The following GPR158 variants were observed in gnomAD, a reference collection of about 807,000 sequenced individuals.
The protein encoded by GPR158 is G protein-coupled receptor 158, also known as metabotropic glycine receptor.
GPR158 carries 30 observed loss-of-function variants against 78.2 expected under a neutral mutation model. The observed-to-expected ratio is 0.38, with a 90% CI of 0.29 to 0.52. The LOEUF (loss-of-function observed/expected upper bound fraction) is 0.52. Among genes scored for constraint, GPR158 ranks in the 20% least tolerant of loss-of-function variants. The pLI is 0.83. For missense variants in GPR158, 1,463 were observed against 1,523.5 expected (o/e 0.96, Z 0.66); for synonymous variants, 581 against 591.1 (o/e 0.98, Z 0.25).
chr10:25,520,417 G>A (rs1428780162), intron 5 of GPR158, among the ~76,000 whole-genome samples: 1 of 150,036 alleles, frequency 6.7e-6, no homozygotes, highest in Non-Finnish European at 1.5e-5. Context: ...TTGCTGGTGA[G>A]GAACTGCGTT....
chr10:25,581,249 T>G (rs1297786145), intron 7 of GPR158, among the ~76,000 whole-genome samples: 2 of 151,838 alleles, frequency 1.3e-5, no homozygotes, highest in Non-Finnish European at 3.0e-5. Context: ...AACATTATTT[T>G]TATGAGAGAC....
chr10:25,449,991 A>G (rs780493757), intron 4 of GPR158, among the ~76,000 whole-genome samples: 10 of 123,792 alleles, frequency 8.1e-5, no homozygotes, highest in Non-Finnish European at 1.2e-4. Flanking sequence ...ACAAAATTTA[A>G]TAAAAATGAT....
chr10:25,424,517 G>A (rs1006851038), intron 4 of GPR158, among the ~76,000 whole-genome samples: 1 of 151,190 alleles, frequency 6.6e-6, no homozygotes, highest in African/African-American at 2.4e-5. Flanking sequence ...ATGGTTTTAG[G>A]TCTAACATTT....
intron 3 of GPR158, among the ~76,000 whole-genome samples, chr10:25,400,213 A>T (rs528743239): frequency 2.6e-5 from 4 of 152,166 alleles, no homozygotes; most frequent in Non-Finnish European, 5.9e-5. Context: ...TTAGTTGCCT[A>T]ATAGGGAGAA....
At chr10:25,502,764 A>G (rs1835958543) in intron 5 of GPR158, among the ~76,000 whole-genome samples, 1 of 152,294 alleles carries the variant, frequency 6.6e-6, no homozygotes, top group South Asian at 2.1e-4. Flanking sequence ...TCTTCCCTGC[A>G]TGTGTACCTT....
At chr10:25,366,394 T>C (rs1338664747) in intron 2 of GPR158, among the ~76,000 whole-genome samples, 1 of 151,610 alleles carries the variant, frequency 6.6e-6, no homozygotes, top group East Asian at 1.9e-4. Flanking sequence ...AGTTTGAGTT[T>C]TGTCCATTTT....
chr10:25,233,581 T>C (rs1463649298), intron 2 of GPR158, among the ~76,000 whole-genome samples: 1 of 152,260 alleles, frequency 6.6e-6, no homozygotes, highest in Non-Finnish European at 1.5e-5. Flanking sequence ...GCTATGCTTT[T>C]ATGCTTGTCT....
chr10:25,437,720 C>G (rs990953612), intron 4 of GPR158, among the ~76,000 whole-genome samples: 3 of 152,110 alleles, frequency 2.0e-5, no homozygotes, highest in Non-Finnish European at 4.4e-5. Flanking sequence ...GCAGTGTCTT[C>G]TCAGAGGTAC....
At chr10:25,439,182 A>G (rs1412430495) in intron 4 of GPR158, among the ~76,000 whole-genome samples, 1 of 152,170 alleles carries the variant, frequency 6.6e-6, no homozygotes, top group African/African-American at 2.4e-5. Flanking sequence ...GATTTAATAG[A>G]CTCACAGTTC....
chr10:25,368,666 G>A (rs1050994211), intron 2 of GPR158, among the ~76,000 whole-genome samples: 1 of 151,784 alleles, frequency 6.6e-6, no homozygotes, highest in Admixed American at 6.6e-5. Context: ...ATTGTGGAAA[G>A]CAGTGTGGTG....
Position 25,598,872 on chromosome 10 carries a change from GGAAGATGA to G in GPR158, c.3251_3258del (p.Asp1084AlafsTer46). ...GGGAGAGCCAAGGCCAGTCCATTTT[GGAAGATGA>G]GAAGCTTTTGATTTCCAAGACTCCA... On this transcript the variant is annotated frameshift_variant, in exon 11 of 11. Transcript: ENST00000376351. LOFTEE classifies it low-confidence loss of function (END_TRUNC). 1 of 1,614,074 alleles carries G rather than the reference GGAAGATGA, an allele frequency of 6.2e-7. No individual in the cohort carries two copies.
At chr10:25,497,121 G>A (rs1270192542) in intron 5 of GPR158, among the ~76,000 whole-genome samples, 1 of 152,202 alleles carries the variant, frequency 6.6e-6, no homozygotes, top group African/African-American at 2.4e-5. Context: ...AACTGAGTGA[G>A]AAAGCCAGAA....
chr10:25,324,831 C>CT (rs34746907), intron 2 of GPR158, among the ~76,000 whole-genome samples: 46,377 of 125,256 alleles, frequency 0.37, 8,956 homozygotes, highest in African/African-American at 0.4. Flanking sequence ...TTTTTTCTTT[C>CT]TTTTTTTTTT....
At chr10:25,258,776 G>T (rs559871311) in intron 2 of GPR158, among the ~76,000 whole-genome samples, 5 of 152,028 alleles carry the variant, frequency 3.3e-5, no homozygotes, top group Non-Finnish European at 5.9e-5. Flanking sequence ...GGCACCAACC[G>T]CCTGTACAGT....
chr10:25,420,332 T>TG (rs1303818081), intron 4 of GPR158, among the ~76,000 whole-genome samples: 5 of 152,014 alleles, frequency 3.3e-5, no homozygotes, highest in South Asian at 2.1e-4. Context: ...AAACATTTTT[T>TG]TGTAGAGATG....
intron 4 of GPR158, among the ~76,000 whole-genome samples, chr10:25,430,618 A>C (rs1444091750): frequency 1.3e-5 from 2 of 151,138 alleles, no homozygotes; most frequent in Admixed American, 6.6e-5. Flanking sequence ...ACTATACTAC[A>C]AGGCTACAGT....
intron 5 of GPR158, among the ~76,000 whole-genome samples, chr10:25,477,218 G>A (rs1268109192): frequency 2.0e-5 from 3 of 152,100 alleles, no homozygotes; most frequent in Admixed American, 2.0e-4. Flanking sequence ...ACAGCTTAAA[G>A]GAAGGGATAT....
intron 2 of GPR158, among the ~76,000 whole-genome samples, chr10:25,321,150 A>T (rs78934298): frequency 0.024 from 3,622 of 152,328 alleles, 150 homozygotes; most frequent in African/African-American, 0.082. Flanking sequence ...AAGTCATAAC[A>T]GACAATCTCT....
At chr10:25,559,666 A>G (rs894358222) in intron 6 of GPR158, among the ~76,000 whole-genome samples, 1 of 152,266 alleles carries the variant, frequency 6.6e-6, no homozygotes, top group Admixed American at 6.5e-5. Context: ...ATGATATATT[A>G]TAATCCTAAT....
Sources: gnomAD v4.1 joint callset for allele counts (sites outside exome capture counted in the v4.1 genomes callset) on GRCh38, gnomAD v4.1.1 for gene constraint, MANE v1.5 for transcripts, NCBI Gene and HGNC (gene_info 2026-07-23, HGNC 2026-07-21) for gene names.